The following REPS1 variants were observed in gnomAD, a reference collection of about 807,000 sequenced individuals.
REPS1 encodes the protein ralBP1-associated Eps domain-containing protein 1.
Under a neutral mutation model 100.9 loss-of-function variants are expected in REPS1, and 39 were observed. The ratio of observed to expected loss-of-function variants is 0.39; its 90% confidence interval spans 0.30 to 0.50. The LOEUF (loss-of-function observed/expected upper bound fraction) is 0.50. Ranked by LOEUF, REPS1 falls within the 20% of genes least tolerant of loss-of-function variation. The probability of loss-of-function intolerance (pLI) is 0.86; values close to 1 mark genes in which losing one functional copy is unlikely to be tolerated. For missense variants in REPS1, 821 were observed against 968.5 expected, an observed-to-expected ratio of 0.85 and a Z score of 2.02; for synonymous variants, 324 against 340.3, an observed-to-expected ratio of 0.95 and a Z score of 0.53.
chr6:138,958,389 CT>C (rs1250055194), intron 1 of REPS1, among the ~76,000 whole-genome samples: 3 of 152,134 alleles, frequency 2.0e-5, no homozygotes, highest in Non-Finnish European at 4.4e-5. Flanking sequence ...ACCATTTTTA[CT>C]TTAAGTTCCA....
chr6:138,920,448 A>C (rs1780682366), intron 11 of REPS1, 132 bp from the exon 12 acceptor site: 1 of 473,252 alleles, frequency 2.1e-6, no homozygotes, highest in Admixed American at 3.7e-5. Context: ...GTAAGACAAA[A>C]TAATATTTTT....
chr6:138,926,690 T>C, intron 9 of REPS1: 1 of 518,258 alleles, frequency 1.9e-6, no homozygotes, highest in Non-Finnish European at 3.5e-6. Context: ...CAATCAAAAG[T>C]ATAGTAATGA....
intron 11 of REPS1, among the ~76,000 whole-genome samples, chr6:138,920,693 G>A (rs1251146633): frequency 6.6e-6 from 1 of 152,072 alleles, no homozygotes; most frequent in Non-Finnish European, 1.5e-5. Flanking sequence ...CATTCCAAGA[G>A]TTCAAGCAAA....
chr6:138,944,414 T>C (rs1226660473), intron 5 of REPS1, 84 bp downstream of exon 5: 32 of 1,459,796 alleles, frequency 2.2e-5, no homozygotes, highest in Non-Finnish European at 2.8e-5. Context: ...TTATAAAATC[T>C]GCAACAGCAA....
At chr6:138,920,557 A>T (rs1232396298) in intron 11 of REPS1, among the ~76,000 whole-genome samples, 1 of 152,230 alleles carries the variant, frequency 6.6e-6, no homozygotes, top group Non-Finnish European at 1.5e-5. Context: ...TTCACACTTA[A>T]TTTTATTCCT....
chr6:138,911,289 G>T lies in REPS1; in HGVS notation c.2054C>A (p.Ala685Asp). The change falls in exon 17 of 20, where the codon GCT becomes GAT. Residue 685 changes from alanine (A) to aspartate (D), a missense_variant. Physicochemically the swap from Ala to Asp is moderately radical, Grantham distance 126. Coordinates refer to ENST00000450536, the MANE Select transcript of REPS1 (RefSeq NM_001286611.2). Reference protein sequence around the residue: ...SKTEEKTAASAPANVSKGTTP... With the variant: ...SKTEEKTAASDPANVSKGTTP... ...CATTTTGCATACCACATTGGCAGGA[G>T]CACTAGCAGCTGTCTTTTCTTCAGT... 6.2e-7 allele frequency: 1 copy of T among 1,605,396 alleles called. No individual in the cohort carries two copies. Among genetic ancestry groups the T allele is most frequent in the Non-Finnish European group, 8.5e-7 (1 of 1,172,174 alleles).
chr6:138,988,240 G>T lies in REPS1; in HGVS notation c.-558C>A. On this transcript the variant is annotated 5_prime_UTR_variant, in exon 1 of 20. Coordinates refer to ENST00000450536, the MANE Select transcript of REPS1 (RefSeq NM_001286611.2). ...GCCCCGGCCCGGCCCCGACGCGCCC[G>T]CACCAACAGTGACAGCGGCGGCCGC... The T allele has an allele frequency of 2.5e-6, 1 of 398,156 alleles. No homozygotes were observed. The highest frequency in any genetic ancestry group is 4.4e-6 in the Non-Finnish European group (1 of 225,784). 24.7% of individuals were successfully genotyped at this position (398,156 alleles called of 1,614,324 possible).
rs537373827 is a variant in REPS1, at chr6:138,904,818, A to T, written c.*246T>A. On this transcript the variant is annotated 3_prime_UTR_variant, in exon 20 of 20. Transcript: ENST00000450536. ...AGAAGCATTGCATATCCCAGATGCTAGGGAACAGAAAAGGTGGGTGTGCCA... is the reference window on the plus strand; with the variant it reads ...AGAAGCATTGCATATCCCAGATGCTTGGGAACAGAAAAGGTGGGTGTGCCA... 2 of 367,134 alleles carry T rather than the reference A, an allele frequency of 5.4e-6. No individual in the cohort carries two copies. Among genetic ancestry groups the T allele is most frequent in the East Asian group, 9.3e-5 (2 of 21,490 alleles). 22.7% of individuals were successfully genotyped at this position (367,134 alleles called of 1,614,324 possible).
At chr6:138,909,043 T>C (rs1431355903) in intron 17 of REPS1, 2 of 488,120 alleles carry the variant, frequency 4.1e-6, no homozygotes, top group Admixed American at 7.9e-5. Context: ...ATAAGTATTT[T>C]TAGAGCAACA....
chr6:138,916,135 T>C, intron 13 of REPS1, 159 bp from the exon 14 acceptor site: 1 of 664,300 alleles, frequency 1.5e-6, no homozygotes, highest in Non-Finnish European at 2.7e-6. Flanking sequence ...GATAGCACTG[T>C]TTATGATGTA....
At position 138,911,795 on chromosome 6, in the gene REPS1, GAGA is replaced by G. The variant is rs779929702; in HGVS notation, c.1972-427_1972-425del. ...GGATGCAGGTAGTAGATGTGTGAGG[GAGA>G]GGAGGAGGGGACGAGGATGCAGCTA... On this transcript the variant is annotated intron_variant, in intron 16 of 19. Transcript: ENST00000450536. Among the ~76,000 whole-genome samples the G allele has an allele frequency of 4.6e-5, 7 of 151,270 alleles. No individual in the cohort carries two copies. In the East Asian group the frequency reaches 7.8e-4, roughly 17 times the overall value.
At chr6:138,944,676 AG>A in intron 4 of REPS1, 54 bp from the exon 5 acceptor site, 3 of 1,557,872 alleles carry the variant, frequency 1.9e-6, no homozygotes, top group Middle Eastern at 1.7e-4. Flanking sequence ...AAAAGTTACT[AG>A]GAAGTTTTCT....
rs1779503080 is a variant in REPS1, at chr6:138,904,197, G to A, written c.*867C>T. 1 of 152,080 alleles carries A rather than the reference G, an allele frequency of 6.6e-6. No homozygotes were observed. The highest frequency in any genetic ancestry group is 1.5e-5 in the Non-Finnish European group (1 of 67,988). The allele number at this position is 152,080 out of a possible 1,614,324, so 9.4% of individuals were successfully genotyped here. Reference sequence around the variant, plus strand: ...TAAACAAAATCTAAAACAGCATATTGTCCTGAATAAGGCATACTCCAGAAA... The same window carrying A: ...TAAACAAAATCTAAAACAGCATATTATCCTGAATAAGGCATACTCCAGAAA... On this transcript the variant is annotated 3_prime_UTR_variant, in exon 20 of 20. Coordinates refer to ENST00000450536, the MANE Select transcript of REPS1 (RefSeq NM_001286611.2).
At chr6:138,905,752 C>A (rs1028166509) in intron 19 of REPS1, among the ~76,000 whole-genome samples, 7 of 152,158 alleles carry the variant, frequency 4.6e-5, no homozygotes, top group Non-Finnish European at 1.0e-4. Context: ...AACCCGCCCC[C>A]TGGTAGATGA....
chr6:138,905,365 C>T (rs1336868893), intron 19 of REPS1, among the ~76,000 whole-genome samples: 1 of 152,196 alleles, frequency 6.6e-6, no homozygotes, highest in Non-Finnish European at 1.5e-5. Context: ...AATCTCGGCT[C>T]ACTGCAAGCT....
chr6:138,906,750 G>A (rs564294841), intron 19 of REPS1, among the ~76,000 whole-genome samples: 3 of 152,336 alleles, frequency 2.0e-5, no homozygotes, highest in Non-Finnish European at 4.4e-5. Flanking sequence ...GGAAGCTTAG[G>A]AGAAATGCAG....
intron 1 of REPS1, among the ~76,000 whole-genome samples, chr6:138,972,310 A>G (rs1784384958): frequency 6.6e-6 from 1 of 152,224 alleles, no homozygotes; most frequent in South Asian, 2.1e-4. Context: ...ATAAAGAACA[A>G]GTAAAAGCTG....
intron 15 of REPS1, among the ~76,000 whole-genome samples, chr6:138,913,234 G>A (rs1352372134): frequency 6.6e-6 from 1 of 151,990 alleles, no homozygotes; most frequent in Non-Finnish European, 1.5e-5. Flanking sequence ...GAGAGGGTAG[G>A]TCTGGCCCTA....
chr6:138,948,231 T>C (rs958931419), intron 1 of REPS1, among the ~76,000 whole-genome samples: 2 of 152,158 alleles, frequency 1.3e-5, no homozygotes, highest in African/African-American at 4.8e-5. Context: ...GCACTGCACA[T>C]ACAATAGGAC....
Sources: allele counts gnomAD v4.1 joint callset (sites outside exome capture counted in the v4.1 genomes callset), GRCh38; gene constraint gnomAD v4.1.1; transcripts MANE v1.5; gene names NCBI Gene and HGNC (gene_info 2026-07-23, HGNC 2026-07-21).